The following RIF1 variants were observed in gnomAD, a reference collection of about 807,000 sequenced individuals.
The protein encoded by RIF1 is replication timing regulatory factor 1.
RIF1 carries 45 observed loss-of-function variants against 247.1 expected under a neutral mutation model. That is an observed-to-expected ratio of 0.18 (90% CI 0.14 to 0.23). RIF1 has a LOEUF of 0.23. Ranked by LOEUF, RIF1 falls within the 10% of genes least tolerant of loss-of-function variation. The pLI, the probability that RIF1 is intolerant of heterozygous loss-of-function variation, is 1.00. For missense variants in RIF1, 2,967 were observed against 2,862.5 expected, an observed-to-expected ratio of 1.04 and a Z score of -0.83; for synonymous variants, 1,087 against 978.8, an observed-to-expected ratio of 1.11 and a Z score of -2.06.
chr2:151,444,749 T>A (rs966183078), intron 18 of RIF1, among the ~76,000 whole-genome samples: 12 of 152,242 alleles, frequency 7.9e-5, no homozygotes, highest in African/African-American at 2.9e-4. Flanking sequence ...GCTGGAATGC[T>A]GTGTATGTAT....
chr2:151,454,880 A>G lies in RIF1; in HGVS notation c.2345-15A>G, dbSNP rs1393872698. On this transcript the variant is annotated splice_polypyrimidine_tract_variant and intron_variant, in intron 21 of 35. Coordinates refer to ENST00000444746, the MANE Select transcript of RIF1 (RefSeq NM_018151.5). ...ATTTATTTGAGTTTTTAATTAATTCAGTTTTTGTTTTTAGCACCACAGAGA... is the reference window on the plus strand; with the variant it reads ...ATTTATTTGAGTTTTTAATTAATTCGGTTTTTGTTTTTAGCACCACAGAGA... 1.3e-6 allele frequency: 2 copies of G among 1,544,942 alleles called. No individual in the cohort carries two copies. The highest frequency in any genetic ancestry group is 8.7e-7 in the Non-Finnish European group (1 of 1,147,984).
At chr2:151,452,154 T>C (rs1448439289) in intron 21 of RIF1, among the ~76,000 whole-genome samples, 1 of 152,212 alleles carries the variant, frequency 6.6e-6, no homozygotes, top group Non-Finnish European at 1.5e-5. Context: ...GTTATTTTTT[T>C]CCAGAAATGT....
intron 10 of RIF1, chr2:151,498,408 C>T (rs2061815425): frequency 7.6e-7 from 1 of 1,323,646 alleles, no homozygotes; most frequent in Admixed American, 2.1e-5. Context: ...TCATTTTCCC[C>T]CTGCTTTGGA....
In RIF1 at chr2:151,454,950, G is replaced by A; in HGVS notation, c.2400G>A (p.Leu800=). The change falls in exon 22 of 36, where the codon TTG becomes TTA. Residue 800 remains leucine, a synonymous_variant. Transcript: ENST00000444746. ...SKKKNEPLGK[L]TSLFKLIVKV... is the part of the protein sequence containing the mutation. Reference sequence around the variant, plus strand: ...AGAAGAATGAGCCCCTAGGGAAATTGACTTCTTTATTTAAACTTATTGTGA... The same window carrying A: ...AGAAGAATGAGCCCCTAGGGAAATTAACTTCTTTATTTAAACTTATTGTGA... 3 of 1,612,794 alleles carry A rather than the reference G, an allele frequency of 1.9e-6. No homozygotes were observed. Among genetic ancestry groups the A allele is most frequent in the East Asian group, 2.2e-5 (1 of 44,786 alleles).
At chr2:151,510,608 G>T (rs2073417540), downstream of RIF1, among the ~76,000 whole-genome samples, 2 of 152,308 alleles carry the variant, frequency 1.3e-5, 1 homozygote, top group South Asian at 4.1e-4. Context: ...CCACATTCAT[G>T]TAACTATATA....
chr2:151,491,491 A>AT, intron 9 of RIF1: 1 of 490,090 alleles, frequency 2.0e-6, no homozygotes, highest in Non-Finnish European at 3.7e-6. Context: ...GTGAAACAAA[A>AT]TTTTTTCTAA....
chr2:151,415,947 A>G (rs1687152826), intron 4 of RIF1, among the ~76,000 whole-genome samples: 1 of 152,198 alleles, frequency 6.6e-6, no homozygotes, highest in African/African-American at 2.4e-5. Flanking sequence ...AGGCATATGC[A>G]CTAAGGAATA....
At chr2:151,494,020 T>C in intron 9 of RIF1, 1 of 888,896 alleles carries the variant, frequency 1.1e-6, no homozygotes, top group Non-Finnish European at 1.8e-6. Flanking sequence ...ATGGCTACAG[T>C]AAATGTAGTG....
Position 151,496,410 on chromosome 2 carries a change from CAT to C in RIF1, c.*513+1085_*513+1086del, listed in dbSNP as rs1321196395. Reference sequence around the variant, plus strand: ...CATCCAGAAAAACAACCATGAGTAACATTTCATTTGTTGAGAGGTTTTAAGGG... The same window carrying C: ...CATCCAGAAAAACAACCATGAGTAACTTCATTTGTTGAGAGGTTTTAAGGG... On this transcript the variant is annotated intron_variant and NMD_transcript_variant, in intron 10 of 13. Transcript: ENST00000454583. The C allele has an allele frequency of 3.2e-6, 5 of 1,566,326 alleles. No homozygotes were observed. In the East Asian group the frequency reaches 1.1e-4, roughly 36 times the overall value.
chr2:151,447,503 A>G (rs774972239), intron 20 of RIF1, among the ~76,000 whole-genome samples: 3 of 152,194 alleles, frequency 2.0e-5, no homozygotes, highest in African/African-American at 4.8e-5. Context: ...GCTGTCTAGT[A>G]TTCTGTAGTA....
chr2:151,432,444 G>A (rs1459988064), intron 9 of RIF1, among the ~76,000 whole-genome samples: 2 of 152,076 alleles, frequency 1.3e-5, no homozygotes, highest in South Asian at 2.1e-4. Flanking sequence ...TTAACAATAT[G>A]ATTATTGTTA....
chr2:151,422,504 ATTT>A (rs780843381), intron 7 of RIF1, among the ~76,000 whole-genome samples: 1 of 141,198 alleles, frequency 7.1e-6, no homozygotes. Flanking sequence ...TTTTGGGAAA[ATTT>A]TTTTTTTTTT....
chr2:151,508,648 G>T (rs1376633765), downstream of RIF1, among the ~76,000 whole-genome samples: 3 of 152,244 alleles, frequency 2.0e-5, no homozygotes, highest in Admixed American at 6.5e-5. Flanking sequence ...AGGCCCAGAG[G>T]CATTTCCAGA....
At chr2:151,466,481 T>C (rs1480899374) in intron 30 of RIF1, among the ~76,000 whole-genome samples, 1 of 152,212 alleles carries the variant, frequency 6.6e-6, no homozygotes, top group African/African-American at 2.4e-5. Context: ...AAAGCAGATT[T>C]AGTAGTTGTG....
chr2:151,452,129 G>A (rs1419218211), intron 21 of RIF1, among the ~76,000 whole-genome samples: 1 of 152,100 alleles, frequency 6.6e-6, no homozygotes, highest in East Asian at 1.9e-4. Flanking sequence ...AGAAAACAAT[G>A]GGATCAGTTA....
rs753192538 is a variant in RIF1, at chr2:151,465,227, G to A, written c.5707G>A (p.Ala1903Thr). ...SLENVTVEGN[A>T]CKVTESNLEK... ...AGAGAATGTTACTGTTGAAGGAAATGCATGTAAAGTAACAGAATCCAATCT... is the reference window on the plus strand; with the variant it reads ...AGAGAATGTTACTGTTGAAGGAAATACATGTAAAGTAACAGAATCCAATCT... Residue 1903 changes from alanine (A) to threonine (T), a missense_variant, in exon 30 of 36, where the codon GCA (alanine) becomes ACA (threonine). Physicochemically the swap from Ala to Thr is moderately conservative, Grantham distance 58. Transcript: ENST00000444746. The A allele has an allele frequency of 1.2e-6, 2 of 1,610,632 alleles. No individual in the cohort carries two copies. The highest frequency in any genetic ancestry group is 1.3e-5 in the African/African-American group (1 of 74,600).
At position 151,462,920 on chromosome 2, in the gene RIF1, G is replaced by T. The variant is rs1696412511; in HGVS notation, c.3400G>T (p.Asp1134Tyr). 1.2e-6 allele frequency: 2 copies of T among 1,610,936 alleles called. No homozygotes were observed. Among genetic ancestry groups the T allele is most frequent in the Admixed American group, 3.4e-5 (2 of 59,270 alleles). Residue 1134 changes from aspartate to tyrosine, a missense_variant, in exon 30 of 36, where the codon GAT (aspartate) becomes TAT (tyrosine). By Grantham distance (160) the Asp-to-Tyr change is radical. This residue lies in a region of RIF1 where 2,028 missense variants were observed against 1,825.6 expected (regional missense o/e 1.11). Transcript: ENST00000444746. The part of the protein sequence containing the change: ...QMDSDIVIPQ[D>Y]VTEDCGMAEH... ...GGACAGTGACATTGTCATTCCTCAA[G>T]ATGTCACGGAAGACTGTGGTATGGC... is the stretch of plus-strand genomic sequence containing the variant.
At position 151,490,382 on chromosome 2, in the gene RIF1, T is replaced by G. The variant is rs915172166; in HGVS notation, c.*416-4847T>G. On this transcript the variant is annotated intron_variant and NMD_transcript_variant, in intron 9 of 13. Transcript: ENST00000454583. ...GCCAGGCACTTGTACCTGTTGAGAC[T>G]GCAAAGACACCCCCGTCGCTGTAAG... The G allele has an allele frequency of 1.3e-6, 2 of 1,590,074 alleles. No homozygotes were observed. Among genetic ancestry groups the G allele is most frequent in the Non-Finnish European group, 1.7e-6 (2 of 1,167,224 alleles).
At position 151,489,860 on chromosome 2, in the gene RIF1, A is replaced by G. The variant is rs145934392; in HGVS notation, c.*416-5369A>G. 73 of 704,004 alleles carry G rather than the reference A, an allele frequency of 1.0e-4. No homozygotes were observed. In the African/African-American group the frequency reaches 1.2e-3, roughly 12 times the overall value. 43.6% of individuals were successfully genotyped at this position (704,004 alleles called of 1,614,324 possible). On this transcript the variant is annotated intron_variant and NMD_transcript_variant, in intron 9 of 13. Coordinates refer to the RIF1 transcript ENST00000454583. ...GAAACATGTAATAAAAGAGCATTATATAAAATAGAAGGTTTGGTTAAAAAA... is the reference window on the plus strand; with the variant it reads ...GAAACATGTAATAAAAGAGCATTATGTAAAATAGAAGGTTTGGTTAAAAAA...
Sources: allele counts gnomAD v4.1 joint callset (sites outside exome capture counted in the v4.1 genomes callset), GRCh38; gene constraint gnomAD v4.1.1; regional missense constraint gnomAD v4.1.1; transcripts MANE v1.5; gene names NCBI Gene and HGNC (gene_info 2026-07-23, HGNC 2026-07-21).